Variants in ARL15 observed in about 807,000 individuals in gnomAD.
The protein encoded by ARL15 is ADP-ribosylation factor-like protein 15.
In ARL15, 19 loss-of-function variants were observed where a neutral mutation model predicts 25.2. That is an observed-to-expected ratio of 0.75 (90% CI 0.53 to 1.10). ARL15 has a LOEUF of 1.10. Ranked by LOEUF, ARL15 falls within the 50% of genes least tolerant of loss-of-function variation. The pLI is 0.00. For missense variants in ARL15, 220 were observed against 246.0 expected (o/e 0.89, Z 0.71); for synonymous variants, 94 against 86.8 (o/e 1.08, Z -0.46).
intron 4 of ARL15, among the ~76,000 whole-genome samples, chr5:53,995,218 G>T (rs1294607746): frequency 7.0e-6 from 1 of 143,402 alleles, no homozygotes; most frequent in Non-Finnish European, 1.5e-5. Flanking sequence ...CTGAGGCAGA[G>T]AATTGCTTGA....
At chr5:54,277,361 T>G (rs16882573) in intron 1 of ARL15, among the ~76,000 whole-genome samples, 1,640 of 152,300 alleles carry the variant, frequency 0.011, 39 homozygotes, top group African/African-American at 0.038. Flanking sequence ...TTCTACCCAC[T>G]AGCAAATGAC....
At chr5:54,036,892 A>T (rs1261742483) in intron 4 of ARL15, among the ~76,000 whole-genome samples, 1 of 152,172 alleles carries the variant, frequency 6.6e-6, no homozygotes, top group Non-Finnish European at 1.5e-5. Flanking sequence ...ATCTTAATAA[A>T]TCCAAAGACA....
intron 3 of ARL15, among the ~76,000 whole-genome samples, chr5:54,129,886 T>C (rs1010363085): frequency 6.6e-6 from 1 of 152,208 alleles, no homozygotes; most frequent in Admixed American, 6.5e-5. Flanking sequence ...ACCATCAATA[T>C]ATGTAAAAGA....
At chr5:54,254,804 A>G (rs1757323896) in intron 1 of ARL15, among the ~76,000 whole-genome samples, 1 of 152,236 alleles carries the variant, frequency 6.6e-6, no homozygotes, top group Admixed American at 6.5e-5. Context: ...TTATCACAAA[A>G]TTGTTTACCT....
At chr5:53,934,633 A>G (rs1237873215) in intron 4 of ARL15, among the ~76,000 whole-genome samples, 2 of 152,220 alleles carry the variant, frequency 1.3e-5, no homozygotes, top group Non-Finnish European at 2.9e-5. Context: ...CTATTAATAG[A>G]ATAATGCGGT....
intron 4 of ARL15, among the ~76,000 whole-genome samples, chr5:53,925,113 CT>C (rs1745976337): frequency 6.6e-6 from 1 of 151,838 alleles, no homozygotes; most frequent in Admixed American, 6.6e-5. Context: ...GACACTTCAA[CT>C]TTTTTCTTGA....
At chr5:53,941,771 G>T (rs1561158694) in intron 4 of ARL15, among the ~76,000 whole-genome samples, 3 of 152,054 alleles carry the variant, frequency 2.0e-5, no homozygotes, top group African/African-American at 7.3e-5. Flanking sequence ...GTGTTTTCTC[G>T]CTTTCTTCCC....
intron 4 of ARL15, among the ~76,000 whole-genome samples, chr5:53,919,269 GCCCT>G (rs1219162866): frequency 6.6e-6 from 1 of 152,152 alleles, no homozygotes; most frequent in Non-Finnish European, 1.5e-5. Flanking sequence ...AAATAGCAAA[GCCCT>G]CCCCATCAGA....
intron 4 of ARL15, among the ~76,000 whole-genome samples, chr5:53,892,937 G>A (rs1000002505): frequency 6.6e-6 from 1 of 152,050 alleles, no homozygotes; most frequent in African/African-American, 2.4e-5. Flanking sequence ...GTAAAAGTAT[G>A]GTCTTGCTCC....
At chr5:54,112,073 TA>T (rs1249573810) in intron 4 of ARL15, among the ~76,000 whole-genome samples, 1 of 152,154 alleles carries the variant, frequency 6.6e-6, no homozygotes, top group Non-Finnish European at 1.5e-5. Context: ...ATGAGGCAAC[TA>T]AAGTGAGACA....
At position 54,184,451 on chromosome 5, in the gene ARL15, A is replaced by C. The variant is rs1195436207; in HGVS notation, c.49-12523T>G. Among the ~76,000 whole-genome samples the C allele has an allele frequency of 4.6e-4, 35 of 75,550 alleles. No homozygotes were observed. The East Asian group carries it at 7.2e-3, about 16-fold the overall frequency. 49.6% of individuals were successfully genotyped at this position (75,550 alleles called of 152,430 possible). On this transcript the variant is annotated intron_variant, in intron 1 of 4. Coordinates refer to ENST00000504924, the MANE Select transcript of ARL15 (RefSeq NM_019087.3). Reference sequence around the variant, plus strand: ...GTAACACTGTCTTTAAAAAAAAAAAAAAAAAAAAAAAAAAAAAAAGAGAGA... The same window carrying C: ...GTAACACTGTCTTTAAAAAAAAAAACAAAAAAAAAAAAAAAAAAAGAGAGA...
Position 54,033,959 on chromosome 5 carries a change from G to T in ARL15, c.462+79243C>A, listed in dbSNP as rs370241083. 2.9e-3 allele frequency among the ~76,000 whole-genome samples: 447 copies of T among 152,126 alleles called. 2 individuals carry two copies. Among genetic ancestry groups the T allele is most frequent in the African/African-American group, 0.01 (429 of 41,518 alleles). ...CTCCTGAGTAGCTGGGACTACAGGT[G>T]CCCGCCACCATGCCCGGCTAATTTT... On this transcript the variant is annotated intron_variant, in intron 4 of 4. Transcript: ENST00000504924.
At chr5:53,927,847 C>T (rs992537381) in intron 4 of ARL15, among the ~76,000 whole-genome samples, 2 of 152,078 alleles carry the variant, frequency 1.3e-5, no homozygotes, top group African/African-American at 2.4e-5. Context: ...TCTGGACTCC[C>T]GGCAGGCTGG....
rs1381321458 is a variant in ARL15 at position 54,207,848 on chromosome 5, AG to A, written c.49-35921del. 1.5e-4 allele frequency among the ~76,000 whole-genome samples: 23 copies of A among 152,314 alleles called. No individual in the cohort carries two copies. In the South Asian group the frequency reaches 2.1e-3, roughly 14 times the overall value. ...AGATCTCTTTAAAGAAGGACTTAAG[AG>A]TTCTAGATCCTCTCTCCGATTTCAC... On this transcript the variant is annotated intron_variant, in intron 1 of 4. Transcript: ENST00000504924.
intron 4 of ARL15, among the ~76,000 whole-genome samples, chr5:54,031,641 T>C (rs1421259343): frequency 1.3e-5 from 2 of 152,228 alleles, no homozygotes; most frequent in East Asian, 3.8e-4. Flanking sequence ...ATGGCCCACC[T>C]GAATGTGCCC....
chr5:54,255,053 C>T (rs1461517249), intron 1 of ARL15, among the ~76,000 whole-genome samples: 3 of 152,174 alleles, frequency 2.0e-5, no homozygotes, highest in Admixed American at 2.0e-4. Context: ...TATAGCTAAC[C>T]ACCTTGGCCA....
At chr5:53,923,449 GA>G (rs1745919788) in intron 4 of ARL15, among the ~76,000 whole-genome samples, 1 of 152,224 alleles carries the variant, frequency 6.6e-6, no homozygotes, top group African/African-American at 2.4e-5. Flanking sequence ...GAGTTCTAGA[GA>G]TGAATTATAC....
intron 1 of ARL15, among the ~76,000 whole-genome samples, chr5:54,201,859 T>C (rs971083968): frequency 6.6e-6 from 1 of 152,088 alleles, no homozygotes; most frequent in Non-Finnish European, 1.5e-5. Flanking sequence ...CTCCTAACTT[T>C]AGTAACTAGG....
chr5:54,130,914 G>A (rs2112276245), intron 3 of ARL15, among the ~76,000 whole-genome samples: 1 of 152,300 alleles, frequency 6.6e-6, no homozygotes, highest in South Asian at 2.1e-4. Context: ...ATGTATGTGT[G>A]GAGGGGAGAA....
Sources: allele counts gnomAD v4.1 joint callset (sites outside exome capture counted in the v4.1 genomes callset), GRCh38; gene constraint gnomAD v4.1.1; transcripts MANE v1.5; gene names NCBI Gene and HGNC (gene_info 2026-07-23, HGNC 2026-07-21).